Variants in LARGE1 observed in about 807,000 individuals in gnomAD.
LARGE1 encodes LARGE xylosyl- and glucuronyltransferase 1, also known as xylosyl- and glucuronyltransferase LARGE1.
LARGE1 carries 43 observed loss-of-function variants against 87.6 expected under a neutral mutation model. The ratio of observed to expected loss-of-function variants is 0.49; its 90% CI spans 0.38 to 0.63. The LOEUF is 0.63. Among genes scored for constraint, LARGE1 ranks in the 30% least tolerant of loss-of-function variants. The probability of loss-of-function intolerance (pLI) is 0.00; values close to 1 mark genes in which losing one functional copy is unlikely to be tolerated. For synonymous variants in LARGE1, 434 were observed against 394.6 expected (o/e 1.10, Z -1.18); for missense variants, 802 against 1,000.2 (o/e 0.80, Z 2.67).
intron 1 of LARGE1, among the ~76,000 whole-genome samples, chr22:33,771,920 T>G (rs548795651): frequency 6.6e-6 from 1 of 152,358 alleles, no homozygotes; most frequent in Admixed American, 6.5e-5. Context: ...ATTTCTGCTA[T>G]TCCATGCCTC....
At chr22:33,546,306 C>G (rs1394033213) in intron 6 of LARGE1, among the ~76,000 whole-genome samples, 1 of 152,200 alleles carries the variant, frequency 6.6e-6, no homozygotes. Flanking sequence ...TGCCTTCCTG[C>G]CTTTGGTCCA....
At chr22:33,356,434 G>T (rs5754534) in intron 9 of LARGE1, among the ~76,000 whole-genome samples, 1 of 152,038 alleles carries the variant, frequency 6.6e-6, no homozygotes, top group Non-Finnish European at 1.5e-5. Flanking sequence ...TTTAACCTTA[G>T]GCAAGGTGTT....
intron 1 of LARGE1, among the ~76,000 whole-genome samples, chr22:33,770,427 A>T (rs756380269): frequency 6.6e-6 from 1 of 152,220 alleles, no homozygotes. Context: ...CATGCCTATA[A>T]TCCCAACATT....
At chr22:33,520,382 C>A (rs992987242) in intron 6 of LARGE1, among the ~76,000 whole-genome samples, 1 of 152,138 alleles carries the variant, frequency 6.6e-6, no homozygotes, top group Non-Finnish European at 1.5e-5. Flanking sequence ...GGCCTCAGTG[C>A]TTCTTAAACC....
chr22:33,440,449 C>T (rs1243072745), intron 6 of LARGE1, among the ~76,000 whole-genome samples: 2 of 152,158 alleles, frequency 1.3e-5, no homozygotes, highest in African/African-American at 2.4e-5. Flanking sequence ...CTGATCAAAC[C>T]GGCTGTGCTT....
At chr22:33,643,752 T>G (rs192168556) in intron 3 of LARGE1, among the ~76,000 whole-genome samples, 15 of 152,216 alleles carry the variant, frequency 9.9e-5, no homozygotes, top group African/African-American at 3.4e-4. Context: ...TCCACAGAAA[T>G]ACAAACTACC....
chr22:33,881,668 A>G (rs994447225), intron 1 of LARGE1, among the ~76,000 whole-genome samples: 6 of 152,252 alleles, frequency 3.9e-5, no homozygotes, highest in African/African-American at 1.4e-4. Flanking sequence ...CTCATAAAAC[A>G]TACAGAATAT....
intron 2 of LARGE1, among the ~76,000 whole-genome samples, chr22:33,676,763 C>T (rs116925978): frequency 0.011 from 1,659 of 152,172 alleles, 15 homozygotes; most frequent in Non-Finnish European, 0.018. Context: ...TCAGTGGTGC[C>T]ACTGTAGCTT....
At chr22:33,229,391 A>G (rs1925893498) in intron 11 of LARGE1, among the ~76,000 whole-genome samples, 1 of 152,170 alleles carries the variant, frequency 6.6e-6, no homozygotes, top group East Asian at 1.9e-4. Context: ...ATATATGTAT[A>G]TAATTAGAGA....
At chr22:33,386,482 A>T (rs1157075211) in intron 7 of LARGE1, among the ~76,000 whole-genome samples, 4 of 148,006 alleles carry the variant, frequency 2.7e-5, no homozygotes, top group African/African-American at 9.8e-5. Flanking sequence ...ACTGTTGCGC[A>T]CTCTTGTGGT....
intron 11 of LARGE1, among the ~76,000 whole-genome samples, chr22:33,206,403 C>CA (rs1924687128): frequency 6.6e-6 from 1 of 151,662 alleles, no homozygotes; most frequent in Non-Finnish European, 1.5e-5. Flanking sequence ...AATTGCATGA[C>CA]TTTTTTTTTC....
In LARGE1 at chr22:33,385,324, G is replaced by A. The variant is rs975133659; in HGVS notation, c.893-1020C>T. Among the ~76,000 whole-genome samples, 24 of 147,120 alleles carry A rather than the reference G, an allele frequency of 1.6e-4. 1 individual carries two copies. The highest frequency in any genetic ancestry group is 5.9e-4 in the African/African-American group (24 of 40,690). On this transcript the variant is annotated intron_variant, in intron 7 of 14. Coordinates refer to ENST00000397394, the MANE Select transcript of LARGE1 (RefSeq NM_133642.5). ...GAGGGGAGGTGGGTGGATCACCTGA[G>A]GTCAGATTAGCCTGGCCAACATGGT...
the LARGE1 span, among the ~76,000 whole-genome samples, chr22:33,122,649 G>A: frequency 4.6e-5 from 7 of 152,032 alleles, no homozygotes; most frequent in East Asian, 3.9e-4. Flanking sequence ...CTGAGCCACC[G>A]TGCCCAGCCT....
intron 2 of LARGE1, among the ~76,000 whole-genome samples, chr22:33,743,675 T>C (rs1477212176): frequency 6.6e-6 from 1 of 152,208 alleles, no homozygotes; most frequent in African/African-American, 2.4e-5. Flanking sequence ...ATTATTGCTC[T>C]TCGATCTGAC....
chr22:33,860,210 T>G (rs546175243), intron 1 of LARGE1, among the ~76,000 whole-genome samples: 5 of 152,322 alleles, frequency 3.3e-5, no homozygotes, highest in Non-Finnish European at 7.3e-5. Flanking sequence ...CAGACTGCTC[T>G]TGAACTCCCG....
intron 11 of LARGE1, among the ~76,000 whole-genome samples, chr22:33,197,437 A>T (rs1184472236): frequency 2.0e-5 from 3 of 152,112 alleles, no homozygotes; most frequent in Non-Finnish European, 4.4e-5. Flanking sequence ...AAGTGAATTT[A>T]TTAAATTTGC....
chr22:33,519,400 A>C (rs1011836422), intron 6 of LARGE1, among the ~76,000 whole-genome samples: 1 of 152,056 alleles, frequency 6.6e-6, no homozygotes, highest in African/African-American at 2.4e-5. Context: ...GGGATATCTA[A>C]ATTATACTTA....
chr22:33,498,346 G>A (rs1212786209), intron 6 of LARGE1, among the ~76,000 whole-genome samples: 6 of 152,138 alleles, frequency 3.9e-5, no homozygotes, highest in Non-Finnish European at 8.8e-5. Flanking sequence ...AGGCAGGGCT[G>A]TTCTCTTAAA....
intron 1 of LARGE1, among the ~76,000 whole-genome samples, chr22:33,792,653 A>C (rs1260595047): frequency 6.6e-6 from 1 of 152,160 alleles, no homozygotes; most frequent in African/African-American, 2.4e-5. Context: ...ACAAACCAGA[A>C]TAATCAAGTC....
Sources: gnomAD v4.1 joint callset for allele counts (sites outside exome capture counted in the v4.1 genomes callset) on GRCh38, gnomAD v4.1.1 for gene constraint, MANE v1.5 for transcripts, NCBI Gene and HGNC (gene_info 2026-07-23, HGNC 2026-07-21) for gene names.